CSNK1G2: variants seen among roughly 807,000 people sequenced by gnomAD.
CSNK1G2 encodes the protein casein kinase I isoform gamma-2.
CSNK1G2 carries 11 observed loss-of-function variants against 48.0 expected under a neutral mutation model. The observed-to-expected ratio is 0.23, with a 90% CI of 0.14 to 0.38. The LOEUF (loss-of-function observed/expected upper bound fraction) is 0.38. CSNK1G2 is among the 10% of genes least tolerant of loss of function. CSNK1G2 has a pLI of 1.00. For synonymous variants in CSNK1G2, 337 were observed against 254.1 expected, an observed-to-expected ratio of 1.33 and a Z score of -3.10; for missense variants, 446 against 595.5, an observed-to-expected ratio of 0.75 and a Z score of 2.61.
intron 1 of CSNK1G2, among the ~76,000 whole-genome samples, chr19:1,947,522 A>C (rs1463472626): frequency 1.3e-5 from 2 of 152,154 alleles, no homozygotes; most frequent in Non-Finnish European, 2.9e-5. Context: ...CTGCCTGGGG[A>C]CAGTTCCCAG....
chr19:1,962,645 A>G (rs991545656), intron 1 of CSNK1G2, among the ~76,000 whole-genome samples: 4 of 152,222 alleles, frequency 2.6e-5, no homozygotes, highest in Admixed American at 2.0e-4. Flanking sequence ...CCTGGGCGAC[A>G]GAGCCAGACC....
intron 11 of CSNK1G2, 28 bp from the exon 12 acceptor site, chr19:1,980,118 GTCC>G (rs1452968635): frequency 7.4e-6 from 12 of 1,612,312 alleles, no homozygotes; most frequent in Admixed American, 1.7e-5. Flanking sequence ...CTGCACCCCG[GTCC>G]TCCTACCTGA....
intron 1 of CSNK1G2, among the ~76,000 whole-genome samples, chr19:1,951,850 T>G (rs1255183489): frequency 6.6e-6 from 1 of 151,630 alleles, no homozygotes; most frequent in Admixed American, 6.6e-5. Context: ...CTGGCTAATT[T>G]TTTGTATTTT....
At chr19:1,949,254 G>C (rs1489541250) in intron 1 of CSNK1G2, among the ~76,000 whole-genome samples, 1 of 152,212 alleles carries the variant, frequency 6.6e-6, no homozygotes, top group Non-Finnish European at 1.5e-5. Context: ...ATCCTTTCCA[G>C]AACCTTCCCA....
intron 2 of CSNK1G2, chr19:1,975,029 C>T: frequency 5.1e-6 from 5 of 979,016 alleles, no homozygotes; most frequent in Non-Finnish European, 6.1e-6. Flanking sequence ...GATGCTGCCA[C>T]ACCCACCCAG....
intron 1 of CSNK1G2, among the ~76,000 whole-genome samples, chr19:1,947,623 C>A (rs923771290): frequency 6.6e-6 from 1 of 152,216 alleles, no homozygotes; most frequent in Admixed American, 6.5e-5. Flanking sequence ...CCTTTGAGTT[C>A]CTCTGAGGGT....
chr19:1,970,026 G>C, intron 2 of CSNK1G2, 67 bp downstream of exon 2: 2 of 1,252,820 alleles, frequency 1.6e-6, no homozygotes, highest in Non-Finnish European at 2.0e-6. Flanking sequence ...AGTCACCGGA[G>C]CCTCTGGTGG....
At chr19:1,965,451 A>G (rs2015337905) in intron 1 of CSNK1G2, among the ~76,000 whole-genome samples, 1 of 151,890 alleles carries the variant, frequency 6.6e-6, no homozygotes, top group Non-Finnish European at 1.5e-5. Flanking sequence ...CCTGTGGATC[A>G]ATGAATGAAT....
intron 1 of CSNK1G2, among the ~76,000 whole-genome samples, chr19:1,962,065 C>T (rs546387443): frequency 7.0e-4 from 107 of 152,352 alleles, no homozygotes; most frequent in Non-Finnish European, 1.2e-3. Flanking sequence ...CGCGGTGGCT[C>T]ACGCCTGTAA....
At position 1,980,712 on chromosome 19, in the gene CSNK1G2, G is replaced by C. The variant is rs2145604821; in HGVS notation, c.*509G>C. 1 of 163,084 alleles carries C rather than the reference G, an allele frequency of 6.1e-6. No homozygotes were observed. The highest frequency in any genetic ancestry group is 3.2e-3 in the Middle Eastern group (1 of 316). The allele number at this position is 163,084 out of a possible 1,614,324, so 10.1% of individuals were successfully genotyped here. A position where few individuals can be genotyped will look rare whatever the true frequency, so the allele number is the denominator to read the frequency against. ...CCCAGGCCCTCCTGGGAGGGGGACA[G>C]GCATTGTTGCCAGGGGTGAGGCCGT... On this transcript the variant is annotated 3_prime_UTR_variant, in exon 12 of 12. Coordinates refer to ENST00000255641, the MANE Select transcript of CSNK1G2 (RefSeq NM_001319.7).
Position 1,957,725 on chromosome 19 carries a change from C to T in CSNK1G2, c.-265-11783C>T, listed in dbSNP as rs915202181. 2.6e-5 allele frequency among the ~76,000 whole-genome samples: 4 copies of T among 151,572 alleles called. No homozygotes were observed. The highest frequency in any genetic ancestry group is 9.7e-5 in the African/African-American group (4 of 41,210). On this transcript the variant is annotated intron_variant, in intron 1 of 11. Coordinates refer to ENST00000255641, the MANE Select transcript of CSNK1G2 (RefSeq NM_001319.7). This position sits in a 1 kb window ranked among gnomAD's most constrained non-coding sequence, Gnocchi z 5.4. ...CAGAGGGGCCTCTGAGGGCGTCTGG[C>T]GGCATTTGAGCAGCTGCCAGATCTC...
chr19:1,954,832 AC>A (rs1331986805), intron 1 of CSNK1G2: 1 of 152,246 alleles, frequency 6.6e-6, no homozygotes, highest in East Asian at 1.9e-4. Flanking sequence ...TTGGCGTGTG[AC>A]CCGGAGCCGG....
intron 1 of CSNK1G2, among the ~76,000 whole-genome samples, chr19:1,956,892 C>T (rs776980100): frequency 1.3e-5 from 2 of 152,172 alleles, no homozygotes; most frequent in Non-Finnish European, 2.9e-5. Flanking sequence ...CCTGGCCAGG[C>T]GGCGGTTGAT....
intron 2 of CSNK1G2, chr19:1,975,645 A>AG: frequency 1.0e-6 from 1 of 985,440 alleles, no homozygotes; most frequent in Non-Finnish European, 1.2e-6. Flanking sequence ...CAGCGCAGGA[A>AG]GGACACGCAA....
At chr19:1,953,769 C>T (rs1599291871) in intron 1 of CSNK1G2, 3 of 460,586 alleles carry the variant, frequency 6.5e-6, no homozygotes, top group Non-Finnish European at 1.4e-5. Context: ...TGCAGCCTTG[C>T]CCCCTCCCCC....
At chr19:1,955,294 C>T (rs2014944770) in intron 1 of CSNK1G2, among the ~76,000 whole-genome samples, 2 of 139,742 alleles carry the variant, frequency 1.4e-5, no homozygotes, top group Admixed American at 1.4e-4. Flanking sequence ...CCTCTGACTG[C>T]CCTCCTGCTG....
intron 1 of CSNK1G2, among the ~76,000 whole-genome samples, chr19:1,941,632 G>A (rs1221056782): frequency 1.5e-5 from 1 of 64,802 alleles, no homozygotes; most frequent in African/African-American, 5.8e-5. Flanking sequence ...GCAACACCCC[G>A]TTGACCCTGC....
chr19:1,977,934 C>T (rs965245742), intron 2 of CSNK1G2, among the ~76,000 whole-genome samples: 8 of 151,788 alleles, frequency 5.3e-5, no homozygotes, highest in South Asian at 2.1e-4. Context: ...CCGAGGGCCT[C>T]GGGCATGTGG....
chr19:1,950,383 C>T (rs1391093523), intron 1 of CSNK1G2, among the ~76,000 whole-genome samples: 3 of 146,910 alleles, frequency 2.0e-5, no homozygotes, highest in African/African-American at 7.8e-5. Context: ...TCGTGATCCG[C>T]CCTCCTCGGC....
Sources: allele counts gnomAD v4.1 joint callset (sites outside exome capture counted in the v4.1 genomes callset), GRCh38; gene constraint gnomAD v4.1.1; non-coding constraint Gnocchi (gnomAD v3.1); transcripts MANE v1.5; gene names NCBI Gene and HGNC (gene_info 2026-07-23, HGNC 2026-07-21).